The following CDH18 variants were observed in gnomAD, a reference collection of about 807,000 sequenced individuals.
CDH18 encodes the protein cadherin 18.
CDH18 carries 31 observed loss-of-function variants against 67.9 expected under a neutral mutation model. That is an observed-to-expected ratio of 0.46 (90% CI 0.34 to 0.62). The LOEUF is 0.62. Among genes scored for constraint, CDH18 ranks in the 20% least tolerant of loss-of-function variants. The probability of loss-of-function intolerance (pLI) is 0.01; values close to 1 mark genes in which losing one functional copy is unlikely to be tolerated. For synonymous variants in CDH18, 362 were observed against 347.2 expected (o/e 1.04, Z -0.48); for missense variants, 890 against 975.5 (o/e 0.91, Z 1.17).
At chr5:19,613,865 T>G (rs1026481526) in intron 5 of CDH18, among the ~76,000 whole-genome samples, 80 of 152,120 alleles carry the variant, frequency 5.3e-4, no homozygotes, top group Admixed American at 3.4e-3. Context: ...TATGTCCATC[T>G]ATATATGCAT....
Position 19,520,765 on chromosome 5 carries a change from C to A in CDH18, c.1404G>T (p.Leu468Phe). ...VTASEIDNPD[L>F]LSHVTVGIRV... The stretch of plus-strand genomic sequence containing the variant: ...TAATACCCACTGTGACATGGCTCAG[C>A]AAATCAGGATTATCTGCAAAATACA... Residue 468 changes from leucine (L) to phenylalanine (F), a missense_variant, in exon 10 of 13, where the codon TTG (leucine) becomes TTT (phenylalanine). This residue lies in a region of CDH18 where 656 missense variants were observed against 668.1 expected (regional missense o/e 0.98). Transcript: ENST00000382275. 6.2e-7 allele frequency: 1 copy of A among 1,612,880 alleles called. No individual in the cohort carries two copies. The highest frequency in any genetic ancestry group is 8.5e-7 in the Non-Finnish European group (1 of 1,179,422).
At chr5:19,843,128 T>C (rs1052976032) in intron 2 of CDH18, among the ~76,000 whole-genome samples, 1 of 152,188 alleles carries the variant, frequency 6.6e-6, no homozygotes, top group Non-Finnish European at 1.5e-5. Flanking sequence ...CCAAATGTAA[T>C]TCACCAAGAC....
intron 1 of CDH18, among the ~76,000 whole-genome samples, chr5:20,516,434 G>A (rs527258630): frequency 3.9e-5 from 6 of 151,980 alleles, no homozygotes; most frequent in Admixed American, 2.6e-4. Context: ...ACAAAACAAT[G>A]CAGTACAAAA....
intron 5 of CDH18, among the ~76,000 whole-genome samples, chr5:19,624,651 T>C (rs375352763): frequency 1.2e-4 from 19 of 152,042 alleles, no homozygotes; most frequent in East Asian, 9.7e-4. Flanking sequence ...TCAGGAAAGG[T>C]TGAGATAGTT....
At chr5:20,559,636 CAAT>C (rs2126642631) in intron 1 of CDH18, among the ~76,000 whole-genome samples, 1 of 151,924 alleles carries the variant, frequency 6.6e-6, no homozygotes, top group Admixed American at 6.6e-5. Flanking sequence ...ATAATAATTA[CAAT>C]AATTGAGTTT....
intron 5 of CDH18, among the ~76,000 whole-genome samples, chr5:19,669,385 C>T (rs1048522968): frequency 2.6e-5 from 4 of 151,274 alleles, no homozygotes; most frequent in African/African-American, 9.7e-5. Flanking sequence ...CTCCGCTTCC[C>T]AGGTTCAAGT....
chr5:20,518,562 C>A (rs750890667), intron 1 of CDH18, among the ~76,000 whole-genome samples: 22 of 152,036 alleles, frequency 1.4e-4, no homozygotes, highest in Non-Finnish European at 4.4e-5. Flanking sequence ...TGACACGTGG[C>A]GTTTCAATGG....
At chr5:19,656,787 G>A (rs1381681188) in intron 5 of CDH18, among the ~76,000 whole-genome samples, 2 of 151,894 alleles carry the variant, frequency 1.3e-5, no homozygotes, top group Admixed American at 1.3e-4. Context: ...GTACTAAAGG[G>A]TGCCCAGTGC....
chr5:19,559,556 C>T (rs1739066337), intron 8 of CDH18, among the ~76,000 whole-genome samples: 1 of 151,874 alleles, frequency 6.6e-6, no homozygotes, highest in South Asian at 2.1e-4. Context: ...ATGACAAACC[C>T]ACAGCCAACA....
intron 2 of CDH18, among the ~76,000 whole-genome samples, chr5:20,038,928 T>G (rs182561689): frequency 1.3e-5 from 2 of 152,288 alleles, no homozygotes; most frequent in African/African-American, 4.8e-5. Flanking sequence ...ATGAGATGAT[T>G]GTATATTTAG....
chr5:20,509,427 G>T, intron 1 of CDH18, among the ~76,000 whole-genome samples: 1 of 140,944 alleles, frequency 7.1e-6, no homozygotes. Context: ...TTTTTTAGAT[G>T]GAGTCTCATT....
intron 2 of CDH18, among the ~76,000 whole-genome samples, chr5:20,062,739 A>G (rs1288600835): frequency 6.6e-6 from 1 of 152,146 alleles, no homozygotes; most frequent in Non-Finnish European, 1.5e-5. Flanking sequence ...CAATTAGAAT[A>G]CAAAAGGAAA....
chr5:19,748,100 G>C (rs866007891), intron 3 of CDH18, among the ~76,000 whole-genome samples: 5 of 10,472 alleles, frequency 4.8e-4, no homozygotes, highest in South Asian at 0.018. Context: ...GAGACAGAGC[G>C]AGACTCCATC....
intron 4 of CDH18, among the ~76,000 whole-genome samples, chr5:19,723,844 G>C (rs565458777): frequency 6.6e-6 from 1 of 152,066 alleles, no homozygotes; most frequent in South Asian, 2.1e-4. Context: ...CTCCTGCATA[G>C]CTGGGATTAC....
chr5:19,543,107 T>C (rs1435470239), intron 9 of CDH18, among the ~76,000 whole-genome samples: 4 of 152,166 alleles, frequency 2.6e-5, no homozygotes, highest in Non-Finnish European at 5.9e-5. Context: ...TCGTACACTT[T>C]TAAAGTGAGG....
intron 3 of CDH18, among the ~76,000 whole-genome samples, chr5:19,836,756 T>G (rs1224343521): frequency 6.6e-6 from 1 of 152,202 alleles, no homozygotes. Flanking sequence ...GCCTACATCC[T>G]GAATATTATT....
intron 1 of CDH18, among the ~76,000 whole-genome samples, chr5:20,386,008 T>A (rs996471785): frequency 6.6e-6 from 1 of 152,336 alleles, no homozygotes; most frequent in East Asian, 1.9e-4. Context: ...CATTTACACA[T>A]CTATGTATGT....
intron 2 of CDH18, among the ~76,000 whole-genome samples, chr5:19,867,230 C>T (rs565746654): frequency 6.6e-6 from 1 of 152,256 alleles, no homozygotes; most frequent in Admixed American, 6.5e-5. Context: ...TTTTATTTTA[C>T]TCATCACTTA....
chr5:20,568,588 CAA>C (rs1190637110), intron 1 of CDH18, among the ~76,000 whole-genome samples: 1 of 150,696 alleles, frequency 6.6e-6, no homozygotes. Flanking sequence ...AAATGAATGT[CAA>C]GAGTGGGCAT....
Sources: allele counts gnomAD v4.1 joint callset (sites outside exome capture counted in the v4.1 genomes callset), GRCh38; gene constraint gnomAD v4.1.1; regional missense constraint gnomAD v4.1.1; transcripts MANE v1.5; gene names NCBI Gene and HGNC (gene_info 2026-07-23, HGNC 2026-07-21).